Variants in MYO1B observed in about 807,000 individuals in gnomAD.
MYO1B encodes unconventional myosin-Ib.
In MYO1B, 72 loss-of-function variants were observed where a neutral mutation model predicts 159.7. The observed-to-expected ratio is 0.45, with a 90% CI of 0.37 to 0.55. The LOEUF (loss-of-function observed/expected upper bound fraction) is 0.55. MYO1B is among the 20% of genes least tolerant of loss of function. The pLI is 0.00. For missense variants in MYO1B, 1,062 were observed against 1,364.8 expected, an observed-to-expected ratio of 0.78 and a Z score of 3.50; for synonymous variants, 468 against 473.8, an observed-to-expected ratio of 0.99 and a Z score of 0.16.
intron 3 of MYO1B, among the ~76,000 whole-genome samples, chr2:191,301,661 A>T (rs1051665830): frequency 1.3e-5 from 2 of 152,220 alleles, no homozygotes; most frequent in African/African-American, 4.8e-5. Context: ...AAATATTCCC[A>T]AATCTGAAAA....
intron 2 of MYO1B, among the ~76,000 whole-genome samples, chr2:191,286,341 T>TAA (rs879581144): frequency 6.5e-4 from 93 of 142,990 alleles, no homozygotes; most frequent in African/African-American, 2.3e-3. Context: ...ACTGTGTCTT[T>TAA]AAAAAAAAAA....
chr2:191,398,275 C>A (rs1379724576), intron 21 of MYO1B, among the ~76,000 whole-genome samples: 1 of 93,756 alleles, frequency 1.1e-5, no homozygotes, highest in African/African-American at 3.9e-5. Flanking sequence ...CCGGACGGGG[C>A]GGCTGGCCGG....
chr2:191,286,430 T>C (rs539903332), intron 2 of MYO1B, among the ~76,000 whole-genome samples: 2 of 152,124 alleles, frequency 1.3e-5, no homozygotes, highest in Non-Finnish European at 2.9e-5. Context: ...ATATGACATC[T>C]TAATATCTTG....
intron 4 of MYO1B, among the ~76,000 whole-genome samples, chr2:191,333,855 C>T (rs1053816917): frequency 6.6e-6 from 1 of 152,288 alleles, no homozygotes; most frequent in Non-Finnish European, 1.5e-5. Context: ...AGCAGTACAG[C>T]TTCTTGTTTG....
intron 6 of MYO1B, among the ~76,000 whole-genome samples, chr2:191,348,864 G>A (rs1042358574): frequency 2.6e-5 from 4 of 152,238 alleles, no homozygotes; most frequent in South Asian, 4.1e-4. Flanking sequence ...TTGGTGTGAC[G>A]AGAATATCTC....
At chr2:191,288,132 C>T (rs956286365) in intron 2 of MYO1B, among the ~76,000 whole-genome samples, 3 of 151,828 alleles carry the variant, frequency 2.0e-5, no homozygotes, top group African/African-American at 4.8e-5. Context: ...GTGACTTCCT[C>T]CTCTTGGGTA....
At position 191,277,033 on chromosome 2, in the gene MYO1B, A is replaced by G. The variant is rs531762704; in HGVS notation, c.135+3A>G. ...GCTTTGACCACAGTGAAATATACGT[A>G]AGTACACACGAAGGTCATCTGTAAT... On this transcript the variant is annotated splice_donor_region_variant and intron_variant, in intron 2 of 30. Transcript: ENST00000392318. The G allele has an allele frequency of 6.2e-7, 1 of 1,612,664 alleles. No individual in the cohort carries two copies. The highest frequency in any genetic ancestry group is 2.2e-5 in the East Asian group (1 of 44,856).
intron 2 of MYO1B, among the ~76,000 whole-genome samples, chr2:191,291,555 G>A (rs1688689298): frequency 6.6e-6 from 1 of 152,072 alleles, no homozygotes; most frequent in East Asian, 1.9e-4. Flanking sequence ...GGCATAGAGG[G>A]AGCTTTCCAT....
At chr2:191,403,454 A>G (rs1377443737) in intron 24 of MYO1B, among the ~76,000 whole-genome samples, 1 of 152,172 alleles carries the variant, frequency 6.6e-6, no homozygotes, top group Non-Finnish European at 1.5e-5. Context: ...CAAATTCAAT[A>G]ATTAGTCACC....
intron 2 of MYO1B, among the ~76,000 whole-genome samples, chr2:191,287,309 C>T (rs756181128): frequency 3.3e-5 from 5 of 152,046 alleles, no homozygotes; most frequent in Non-Finnish European, 5.9e-5. Context: ...AGGCGGATCA[C>T]CCGAGGTCAG....
chr2:191,264,509 G>A (rs898075394), intron 1 of MYO1B, among the ~76,000 whole-genome samples: 3 of 151,030 alleles, frequency 2.0e-5, no homozygotes, highest in African/African-American at 7.3e-5. Flanking sequence ...TTCCTAACTA[G>A]GTGAATTTTT....
intron 13 of MYO1B, among the ~76,000 whole-genome samples, chr2:191,374,035 T>G (rs1247409518): frequency 6.6e-6 from 1 of 152,182 alleles, no homozygotes; most frequent in Non-Finnish European, 1.5e-5. Context: ...TTTACCTGCT[T>G]TTTAATACAG....
At chr2:191,249,839 C>T (rs1485048802) in intron 1 of MYO1B, among the ~76,000 whole-genome samples, 1 of 152,168 alleles carries the variant, frequency 6.6e-6, no homozygotes, top group East Asian at 1.9e-4. Context: ...AATTCTCCTC[C>T]ACTGGCTATT....
chr2:191,393,138 A>G lies in MYO1B; in HGVS notation c.2142A>G (p.Ile714Met), dbSNP rs753597767. 3 of 1,614,106 alleles carry G rather than the reference A, an allele frequency of 1.9e-6. No individual in the cohort carries two copies. The highest frequency in any genetic ancestry group is 2.2e-5 in the South Asian group (2 of 91,072). ...ACTTGGCCACTCTCATTCAGAAGATATATCGGGGGTGGAAATGCCGCACAC... is the reference window on the plus strand; with the variant it reads ...ACTTGGCCACTCTCATTCAGAAGATGTATCGGGGGTGGAAATGCCGCACAC... ...LEDLATLIQK[I>M]YRGWKCRTHF... Residue 714 changes from isoleucine to methionine, a missense_variant, in exon 20 of 31, where the codon ATA becomes ATG. Around this residue, in one of 5 missense-constraint regions of MYO1B, gnomAD observed 609 missense variants for 744.4 expected, o/e 0.82. Coordinates refer to ENST00000392318, the MANE Select transcript of MYO1B (RefSeq NM_001130158.3).
At chr2:191,257,062 T>G (rs1448810674) in intron 1 of MYO1B, among the ~76,000 whole-genome samples, 1 of 152,086 alleles carries the variant, frequency 6.6e-6, no homozygotes, top group Non-Finnish European at 1.5e-5. Context: ...CCCTTGAAAG[T>G]CTCTCCTTTT....
At chr2:191,326,813 T>TGTGTGC (rs1559171231) in intron 3 of MYO1B, among the ~76,000 whole-genome samples, 2 of 143,990 alleles carry the variant, frequency 1.4e-5, no homozygotes, top group East Asian at 2.1e-4. Context: ...TGTGTGTGTG[T>TGTGTGC]GTGCGCGCGC....
chr2:191,251,275 A>G (rs890662921), intron 1 of MYO1B, among the ~76,000 whole-genome samples: 1 of 152,244 alleles, frequency 6.6e-6, no homozygotes, highest in Non-Finnish European at 1.5e-5. Flanking sequence ...GCAGCATGCC[A>G]CAGGGCATCC....
chr2:191,397,721 C>T (rs1450474094), intron 21 of MYO1B, among the ~76,000 whole-genome samples: 6 of 145,694 alleles, frequency 4.1e-5, no homozygotes, highest in Non-Finnish European at 7.5e-5. Context: ...ACCTCCCAGA[C>T]GGGGTCGTGG....
At chr2:191,399,221 A>G (rs1275937082) in intron 21 of MYO1B, among the ~76,000 whole-genome samples, 1 of 152,026 alleles carries the variant, frequency 6.6e-6, no homozygotes, top group Non-Finnish European at 1.5e-5. Flanking sequence ...CAGCAGTACC[A>G]TCCAGCTTTG....
Sources: allele counts gnomAD v4.1 joint callset (sites outside exome capture counted in the v4.1 genomes callset), GRCh38; gene constraint gnomAD v4.1.1; regional missense constraint gnomAD v4.1.1; transcripts MANE v1.5; gene names NCBI Gene and HGNC (gene_info 2026-07-23, HGNC 2026-07-21).